GRM5: variants seen among roughly 807,000 people sequenced by gnomAD.
GRM5 encodes the protein glutamate metabotropic receptor 5, also known as metabotropic glutamate receptor 5.
GRM5 carries 19 observed loss-of-function variants against 83.1 expected under a neutral mutation model. The ratio of observed to expected loss-of-function variants is 0.23; its 90% CI spans 0.16 to 0.34. GRM5 has a LOEUF of 0.34. Ranked by LOEUF, GRM5 falls within the 10% of genes least tolerant of loss-of-function variation. GRM5 has a pLI of 1.00. For synonymous variants in GRM5, 675 were observed against 633.6 expected (o/e 1.07, Z -0.98); for missense variants, 1,160 against 1,588.3 (o/e 0.73, Z 4.58).
intron 2 of GRM5, among the ~76,000 whole-genome samples, chr11:88,896,488 CTAT>C (rs1273311330): frequency 3.7e-4 from 35 of 93,766 alleles, no homozygotes; most frequent in African/African-American, 1.3e-3. Flanking sequence ...ATAGGAGAAT[CTAT>C]TATCTATCTA....
chr11:88,670,915 G>A (rs1331038532), intron 3 of GRM5, among the ~76,000 whole-genome samples: 1 of 151,974 alleles, frequency 6.6e-6, no homozygotes, highest in Non-Finnish European at 1.5e-5. Context: ...CTGAATATAA[G>A]CATACAATAT....
chr11:88,910,257 T>C (rs1945474813), intron 2 of GRM5, among the ~76,000 whole-genome samples: 1 of 152,084 alleles, frequency 6.6e-6, no homozygotes, highest in South Asian at 2.1e-4. Flanking sequence ...CTTCATTCCT[T>C]CTTAAGGCTA....
intron 4 of GRM5, 46 bp from the exon 5 acceptor site, chr11:88,605,010 C>T (rs1173881299): frequency 6.6e-7 from 1 of 1,521,794 alleles, no homozygotes; most frequent in Non-Finnish European, 9.1e-7. Flanking sequence ...CAAATCTACT[C>T]TCGCGACATT....
At chr11:88,928,606 A>G (rs1349495513) in intron 2 of GRM5, among the ~76,000 whole-genome samples, 1 of 151,826 alleles carries the variant, frequency 6.6e-6, no homozygotes, top group Non-Finnish European at 1.5e-5. Flanking sequence ...TGGTCACTAC[A>G]TGTTTTCTGA....
chr11:88,952,793 T>G (rs1229748068), intron 2 of GRM5, among the ~76,000 whole-genome samples: 2 of 152,076 alleles, frequency 1.3e-5, no homozygotes, highest in Non-Finnish European at 2.9e-5. Flanking sequence ...GGGCAATCAT[T>G]TCCATTTCTT....
Position 88,950,424 on chromosome 11 carries a change from A to G in GRM5, c.661+96788T>C, listed in dbSNP as rs1279529617. On this transcript the variant is annotated intron_variant, in intron 2 of 9. Transcript: ENST00000305447. ...GGAAATAAGTCAAAAAGAGCAAGACAATACCAATGGTATTCTCTGGGAAAA... is the reference window on the plus strand; with the variant it reads ...GGAAATAAGTCAAAAAGAGCAAGACGATACCAATGGTATTCTCTGGGAAAA... 2.0e-5 allele frequency among the ~76,000 whole-genome samples: 3 copies of G among 152,098 alleles called. No individual in the cohort carries two copies. The East Asian group carries it at 5.8e-4, about 29-fold the overall frequency.
At chr11:89,021,578 A>G (rs1326956892) in intron 2 of GRM5, among the ~76,000 whole-genome samples, 1 of 152,248 alleles carries the variant, frequency 6.6e-6, no homozygotes, top group East Asian at 1.9e-4. Context: ...GCAGGCAGTC[A>G]GTACTAAAAA....
intron 3 of GRM5, among the ~76,000 whole-genome samples, chr11:88,702,461 T>A (rs906507709): frequency 2.6e-5 from 4 of 152,078 alleles, no homozygotes; most frequent in Non-Finnish European, 5.9e-5. Context: ...AAAACCCCTA[T>A]ATTTGTTGTG....
At chr11:88,746,395 C>T (rs986162662) in intron 3 of GRM5, among the ~76,000 whole-genome samples, 6 of 151,994 alleles carry the variant, frequency 3.9e-5, no homozygotes, top group Non-Finnish European at 8.8e-5. Context: ...AGGGATGGTG[C>T]CTAAGGTATC....
chr11:88,688,568 G>A (rs11020960), intron 3 of GRM5, among the ~76,000 whole-genome samples: 2,726 of 152,164 alleles, frequency 0.018, 68 homozygotes, highest in East Asian at 0.098. Flanking sequence ...ATAGCCTAAT[G>A]AAAAGTAATT....
At chr11:89,037,866 T>C in intron 2 of GRM5, among the ~76,000 whole-genome samples, 1 of 152,166 alleles carries the variant, frequency 6.6e-6, no homozygotes, top group Non-Finnish European at 1.5e-5. Flanking sequence ...TAAGTCACTT[T>C]TAAACTTTTA....
intron 2 of GRM5, among the ~76,000 whole-genome samples, chr11:88,904,496 A>G (rs1367888018): frequency 6.6e-6 from 1 of 152,144 alleles, no homozygotes; most frequent in Non-Finnish European, 1.5e-5. Flanking sequence ...ATTTCCATCA[A>G]CCTGTACTGC....
chr11:88,744,918 G>A (rs997854014), intron 3 of GRM5, among the ~76,000 whole-genome samples: 5 of 152,124 alleles, frequency 3.3e-5, no homozygotes, highest in African/African-American at 1.2e-4. Context: ...CAGAAATAAG[G>A]AAGTCTAGTA....
intron 2 of GRM5, among the ~76,000 whole-genome samples, chr11:88,922,297 C>A (rs1394066332): frequency 6.6e-6 from 1 of 152,064 alleles, no homozygotes; most frequent in African/African-American, 2.4e-5. Flanking sequence ...GCAAAAGGAA[C>A]AAAACTGGAG....
At chr11:88,765,028 A>G (rs555453709) in intron 3 of GRM5, among the ~76,000 whole-genome samples, 1 of 151,684 alleles carries the variant, frequency 6.6e-6, no homozygotes, top group South Asian at 2.1e-4. Flanking sequence ...ACATGATGAA[A>G]AATTCTAGGG....
chr11:88,950,916 T>C (rs1373771657), intron 2 of GRM5, among the ~76,000 whole-genome samples: 1 of 152,218 alleles, frequency 6.6e-6, no homozygotes, highest in Non-Finnish European at 1.5e-5. Flanking sequence ...ATTGTAAATG[T>C]ATAAATGTAT....
intron 2 of GRM5, among the ~76,000 whole-genome samples, chr11:88,896,698 A>G (rs1945233728): frequency 6.6e-6 from 1 of 151,844 alleles, no homozygotes; most frequent in Non-Finnish European, 1.5e-5. Context: ...TCAAACAGAG[A>G]GAGTGAATCC....
chr11:88,558,066 A>G (rs1270167140), intron 8 of GRM5, among the ~76,000 whole-genome samples: 1 of 152,062 alleles, frequency 6.6e-6, no homozygotes. Context: ...GCTTTTCCAA[A>G]GGGCAGGCTT....
intron 2 of GRM5, among the ~76,000 whole-genome samples, chr11:88,981,805 T>G (rs2135024660): frequency 6.6e-6 from 1 of 152,278 alleles, no homozygotes; most frequent in Non-Finnish European, 1.5e-5. Context: ...TCTGAAGAAT[T>G]AGAATAAGTC....
Sources: gnomAD v4.1 joint callset for allele counts (sites outside exome capture counted in the v4.1 genomes callset) on GRCh38, gnomAD v4.1.1 for gene constraint, MANE v1.5 for transcripts, NCBI Gene and HGNC (gene_info 2026-07-23, HGNC 2026-07-21) for gene names.